The following RBM39 variants were observed in gnomAD, a reference collection of about 807,000 sequenced individuals.
The protein encoded by RBM39 is RNA-binding protein 39.
A neutral mutation model predicts 79.6 loss-of-function variants in RBM39; 12 were observed. The ratio of observed to expected loss-of-function variants is 0.15; its 90% CI spans 0.10 to 0.24. The LOEUF (loss-of-function observed/expected upper bound fraction) is 0.24. Among genes scored for constraint, RBM39 ranks in the 10% least tolerant of loss-of-function variants. The probability of loss-of-function intolerance (pLI) is 1.00; values close to 1 mark genes in which losing one functional copy is unlikely to be tolerated. For synonymous variants in RBM39, 185 were observed against 208.4 expected (o/e 0.89, Z 0.97); for missense variants, 243 against 653.4 (o/e 0.37, Z 6.85).
chr20:35,740,356 G>C, intron 2 of RBM39: 2 of 345,466 alleles, frequency 5.8e-6, no homozygotes, highest in South Asian at 2.3e-5. Flanking sequence ...AAGACTGTTA[G>C]AAGATTTAAC....
At chr20:35,712,130 C>T (rs190977098) in intron 12 of RBM39, among the ~76,000 whole-genome samples, 36 of 152,118 alleles carry the variant, frequency 2.4e-4, no homozygotes, top group African/African-American at 8.0e-4. Flanking sequence ...AAATTAGATC[C>T]TATCCTATCT....
chr20:35,704,905 A>T lies in RBM39; in HGVS notation c.1414-159T>A, dbSNP rs189615380. ...CTAATAGGTATACTAGAATTTTATT[A>T]AAAAATGACTTCTACTCTCAAATTT... On this transcript the variant is annotated intron_variant, in intron 15 of 16. Coordinates refer to ENST00000253363, the MANE Select transcript of RBM39 (RefSeq NM_184234.3). 3.6e-5 allele frequency: 23 copies of T among 632,260 alleles called. 1 individual carries two copies. Among genetic ancestry groups the T allele is most frequent in the Admixed American group, 2.2e-4 (7 of 31,260 alleles). The allele number at this position is 632,260 out of a possible 1,614,324, so 39.2% of individuals were successfully genotyped here.
intron 3 of RBM39, among the ~76,000 whole-genome samples, chr20:35,738,642 A>G (rs377269751): frequency 3.9e-5 from 6 of 152,254 alleles, no homozygotes; most frequent in African/African-American, 1.4e-4. Context: ...CAATGGATAT[A>G]TAACAGTTTT....
chr20:35,738,994 G>A lies in RBM39; in HGVS notation c.75C>T (p.Ala25=), dbSNP rs181415025. ...YKKDENKLSS[A]NGHEERSKKR... ...TTTTGCTACGTTCTTCATGGCCGTT[G>A]GCACTGCTCAACTTGTTCTCATCCT... The change falls in exon 3 of 17, where the codon GCC becomes GCT. Residue 25 remains alanine (A), a synonymous_variant. Transcript: ENST00000253363. 96 of 1,613,448 alleles carry A rather than the reference G, an allele frequency of 5.9e-5. No individual in the cohort carries two copies. In the Admixed American group the frequency reaches 1.6e-3, roughly 26 times the overall value.
chr20:35,740,717 G>C, intron 2 of RBM39, 107 bp downstream of exon 2: 3 of 1,331,300 alleles, frequency 2.3e-6, no homozygotes, highest in East Asian at 2.4e-5. Context: ...TCTCTGATAA[G>C]ATAAATCAAG....
intron 3 of RBM39, chr20:35,735,175 T>C: frequency 7.3e-7 from 1 of 1,367,684 alleles, no homozygotes; most frequent in Non-Finnish European, 9.5e-7. Flanking sequence ...CTGTGTCATT[T>C]TAATGTTATC....
chr20:35,712,871 C>T, intron 12 of RBM39, 148 bp downstream of exon 12: 1 of 608,060 alleles, frequency 1.6e-6, no homozygotes, highest in Non-Finnish European at 2.8e-6. Context: ...CCTATGTCTC[C>T]ACTTCCTTAA....
At chr20:35,730,910 TATTTTA>T (rs1288804099) in intron 4 of RBM39, among the ~76,000 whole-genome samples, 1 of 152,122 alleles carries the variant, frequency 6.6e-6, no homozygotes, top group Non-Finnish European at 1.5e-5. Flanking sequence ...TAATTCTTTT[TATTTTA>T]AAGATAAAAG....
intron 3 of RBM39, among the ~76,000 whole-genome samples, chr20:35,736,313 T>G (rs571920575): frequency 2.0e-5 from 3 of 152,172 alleles, no homozygotes; most frequent in Non-Finnish European, 2.9e-5. Context: ...CACAATTTCT[T>G]GTGATTGGTG....
chr20:35,721,665 C>G (rs2037957888), intron 9 of RBM39, 75 bp downstream of exon 9: 1 of 1,494,890 alleles, frequency 6.7e-7, no homozygotes, highest in Non-Finnish European at 9.1e-7. Context: ...GATAACAAAG[C>G]AAGACATACA....
intron 3 of RBM39, among the ~76,000 whole-genome samples, chr20:35,738,559 C>T (rs1252683413): frequency 6.6e-6 from 1 of 152,200 alleles, no homozygotes; most frequent in African/African-American, 2.4e-5. Flanking sequence ...TTGACTCCTT[C>T]GGCACTTTAG....
At chr20:35,713,870 A>G (rs1197139861) in intron 11 of RBM39, 1 of 225,090 alleles carries the variant, frequency 4.4e-6, no homozygotes, top group East Asian at 1.3e-4. Flanking sequence ...GCATCAAAAA[A>G]TAAGAAATTA....
intron 12 of RBM39, among the ~76,000 whole-genome samples, chr20:35,712,521 A>AT (rs1314692926): frequency 1.5e-4 from 22 of 151,320 alleles, no homozygotes; most frequent in Non-Finnish European, 2.5e-4. Context: ...CCCTTTATAC[A>AT]TAATTGTAAA....
At chr20:35,704,610 T>C (rs776262381) in intron 16 of RBM39, 29 bp from the exon 17 acceptor site, 1 of 1,610,570 alleles carries the variant, frequency 6.2e-7, no homozygotes, top group South Asian at 1.1e-5. Flanking sequence ...ATGTTGGGTT[T>C]AGCATCTTCA....
At position 35,736,408 on chromosome 20, in the gene RBM39, C is replaced by T. The variant is rs377548435; in HGVS notation, c.101+2560G>A. 9 of 309,206 alleles carry T rather than the reference C, an allele frequency of 2.9e-5. No individual in the cohort carries two copies. In the East Asian group the frequency reaches 4.1e-4, roughly 14 times the overall value. The allele number at this position is 309,206 out of a possible 1,614,324, so 19.2% of individuals were successfully genotyped here. On this transcript the variant is annotated intron_variant, in intron 3 of 16. Coordinates refer to ENST00000253363, the MANE Select transcript of RBM39 (RefSeq NM_184234.3). ...AAATTATATCATTTTTAATCCATTA[C>T]CACATTATTTTAGGGGAACTACAAA...
At chr20:35,735,982 A>G (rs985274171) in intron 3 of RBM39, among the ~76,000 whole-genome samples, 1 of 152,248 alleles carries the variant, frequency 6.6e-6, no homozygotes, top group African/African-American at 2.4e-5. Flanking sequence ...AAAAACAAGT[A>G]GACACCGGAG....
At chr20:35,711,086 G>A (rs1217656464) in intron 12 of RBM39, among the ~76,000 whole-genome samples, 2 of 152,156 alleles carry the variant, frequency 1.3e-5, no homozygotes, top group African/African-American at 4.8e-5. Flanking sequence ...GTTAACTGAA[G>A]ACATTAAGAG....
chr20:35,709,024 ATTTT>A (rs757239402), intron 13 of RBM39, 196 bp downstream of exon 13: 5 of 449,706 alleles, frequency 1.1e-5, no homozygotes, highest in Admixed American at 4.0e-5. Flanking sequence ...TGTTATTTTG[ATTTT>A]TTTTAAGTCC....
chr20:35,740,903 G>C lies in RBM39; in HGVS notation c.-13-16C>G, dbSNP rs1408720135. On this transcript the variant is annotated splice_polypyrimidine_tract_variant and intron_variant, in intron 1 of 16. Transcript: ENST00000253363. ...CTCTAAACGCCTAGGAAGAGAACAA[G>C]ACAATTTCTTGAGTAAACATTTCTC... 1 of 1,579,176 alleles carries C rather than the reference G, an allele frequency of 6.3e-7. No individual in the cohort carries two copies. Among genetic ancestry groups the C allele is most frequent in the Non-Finnish European group, 8.7e-7 (1 of 1,154,446 alleles).
Sources: gnomAD v4.1 joint callset for allele counts (sites outside exome capture counted in the v4.1 genomes callset) on GRCh38, gnomAD v4.1.1 for gene constraint, MANE v1.5 for transcripts, NCBI Gene and HGNC (gene_info 2026-07-23, HGNC 2026-07-21) for gene names.